ADAMTSL1: variants seen among roughly 807,000 people sequenced by gnomAD.
The protein encoded by ADAMTSL1 is ADAMTS-like protein 1.
ADAMTSL1 carries 126 observed loss-of-function variants against 201.8 expected under a neutral mutation model. That is an observed-to-expected ratio of 0.62 (90% CI 0.54 to 0.72). The LOEUF is 0.72. Ranked by LOEUF, ADAMTSL1 falls within the 30% of genes least tolerant of loss-of-function variation. The pLI, the probability that ADAMTSL1 is intolerant of heterozygous loss-of-function variation, is 0.00. For missense variants in ADAMTSL1, 2,679 were observed against 2,277.8 expected (o/e 1.18, Z -3.59); for synonymous variants, 1,121 against 903.4 (o/e 1.24, Z -4.32).
intron 1 of ADAMTSL1, among the ~76,000 whole-genome samples, chr9:18,154,647 G>A (rs560775840): frequency 7.9e-5 from 12 of 152,106 alleles, no homozygotes; most frequent in Admixed American, 2.0e-4. Context: ...AATATATTCA[G>A]CAGTCTGATT....
At chr9:18,386,782 A>G (rs1344796349) in intron 2 of ADAMTSL1, among the ~76,000 whole-genome samples, 1 of 152,186 alleles carries the variant, frequency 6.6e-6, no homozygotes, top group Admixed American at 6.5e-5. Flanking sequence ...CTGACTCCAA[A>G]GAATTTCTTT....
chr9:18,408,163 C>CT (rs1362163405), intron 2 of ADAMTSL1, among the ~76,000 whole-genome samples: 2 of 152,072 alleles, frequency 1.3e-5, no homozygotes, highest in African/African-American at 4.8e-5. Context: ...GCTATCCATC[C>CT]TTTCATTTCA....
chr9:18,835,008 C>G (rs113574486), intron 23 of ADAMTSL1, among the ~76,000 whole-genome samples: 2,634 of 152,212 alleles, frequency 0.017, 61 homozygotes, highest in African/African-American at 0.058. Flanking sequence ...TTGCTCGAAT[C>G]ATAGGTATAT....
chr9:18,034,795 A>G (rs1268510863), intron 1 of ADAMTSL1, among the ~76,000 whole-genome samples: 1 of 152,196 alleles, frequency 6.6e-6, no homozygotes, highest in Non-Finnish European at 1.5e-5. Flanking sequence ...CATTTTTGAC[A>G]CACTTGGAAC....
At chr9:18,728,961 G>A (rs1361204534) in intron 15 of ADAMTSL1, among the ~76,000 whole-genome samples, 2 of 152,320 alleles carry the variant, frequency 1.3e-5, no homozygotes, top group Middle Eastern at 3.4e-3. Flanking sequence ...GCTAAACTCT[G>A]AAAATGGTGG....
At position 18,586,523 on chromosome 9, in the gene ADAMTSL1, G is replaced by A. The variant is rs149311130; in HGVS notation, c.474+12257G>A. On this transcript the variant is annotated intron_variant, in intron 4 of 28. Transcript: ENST00000380548. ...CATTGAAATAGCCATACTGCCTAAA[G>A]CAATTTACAGATTCAATGTTATTCC... Among the ~76,000 whole-genome samples the A allele has an allele frequency of 3.6e-3, 548 of 152,170 alleles. 4 individuals are homozygous for A. Among genetic ancestry groups the A allele is most frequent in the African/African-American group, 0.012 (500 of 41,502 alleles).
chr9:18,053,254 G>T (rs1822015846), intron 1 of ADAMTSL1, among the ~76,000 whole-genome samples: 2 of 152,040 alleles, frequency 1.3e-5, no homozygotes, highest in Non-Finnish European at 2.9e-5. Context: ...TACCTGCTCT[G>T]GATTATGATC....
intron 1 of ADAMTSL1, among the ~76,000 whole-genome samples, chr9:18,051,598 G>C (rs10738494): frequency 0.62 from 94,509 of 151,254 alleles, 29,677 homozygotes; most frequent in South Asian, 0.69. Context: ...TGGGTATTCT[G>C]CAAATACAGT....
At chr9:18,501,993 G>T (rs1208089541) in intron 1 of ADAMTSL1, among the ~76,000 whole-genome samples, 1 of 152,168 alleles carries the variant, frequency 6.6e-6, no homozygotes, top group Non-Finnish European at 1.5e-5. Context: ...AGGAACTTTA[G>T]CACAGAGTTT....
chr9:18,031,072 C>G (rs1014856090), intron 1 of ADAMTSL1, among the ~76,000 whole-genome samples: 1 of 152,024 alleles, frequency 6.6e-6, no homozygotes, highest in African/African-American at 2.4e-5. Flanking sequence ...GATTGTTTTA[C>G]TTGTTTCCTT....
chr9:18,672,102 C>T (rs1179285827), intron 9 of ADAMTSL1, among the ~76,000 whole-genome samples: 1 of 151,582 alleles, frequency 6.6e-6, no homozygotes, highest in East Asian at 1.9e-4. Context: ...ATGGAGTTAA[C>T]TACTTTAGGA....
At chr9:18,321,952 C>A (rs1029942170) in intron 2 of ADAMTSL1, among the ~76,000 whole-genome samples, 1 of 152,072 alleles carries the variant, frequency 6.6e-6, no homozygotes, top group Non-Finnish European at 1.5e-5. Context: ...TTTCTGGTGA[C>A]AATGGAACTA....
intron 2 of ADAMTSL1, among the ~76,000 whole-genome samples, chr9:18,371,953 A>T (rs1586997257): frequency 6.6e-6 from 1 of 152,202 alleles, no homozygotes; most frequent in African/African-American, 2.4e-5. Context: ...ATAATGTTCC[A>T]GGTAATTCTA....
Position 18,502,418 on chromosome 9 carries a change from G to A in ADAMTSL1, c.64-2411G>A, listed in dbSNP as rs141990784. 3.9e-5 allele frequency among the ~76,000 whole-genome samples: 6 copies of A among 152,260 alleles called. No homozygotes were observed. The East Asian group carries it at 9.6e-4, about 24-fold the overall frequency. On this transcript the variant is annotated intron_variant, in intron 1 of 28. Transcript: ENST00000380548. ...CAATCCTATCTTCTATTCACATGCG[G>A]CAAACAAAGAGTTAGATGATACACA...
intron 1 of ADAMTSL1, among the ~76,000 whole-genome samples, chr9:18,105,084 G>A (rs537018495): frequency 1.5e-4 from 23 of 152,266 alleles, no homozygotes; most frequent in South Asian, 2.1e-4. Flanking sequence ...AGAGTACTGT[G>A]AGTCAGAGAC....
At chr9:18,878,868 G>A (rs962809140) in intron 23 of ADAMTSL1, among the ~76,000 whole-genome samples, 7 of 152,170 alleles carry the variant, frequency 4.6e-5, no homozygotes, top group Non-Finnish European at 1.0e-4. Context: ...AGGCCACAAG[G>A]AGCTGAGACT....
chr9:18,291,685 G>A (rs758210160), intron 2 of ADAMTSL1, among the ~76,000 whole-genome samples: 2 of 143,652 alleles, frequency 1.4e-5, no homozygotes, highest in African/African-American at 2.7e-5. Context: ...TCTCTCTCTC[G>A]GGTGCGCACA....
chr9:18,312,534 A>C (rs750349704), intron 2 of ADAMTSL1, among the ~76,000 whole-genome samples: 1 of 152,210 alleles, frequency 6.6e-6, no homozygotes, highest in African/African-American at 2.4e-5. Flanking sequence ...TGGACTGTGC[A>C]CATAACTTCA....
chr9:18,011,482 C>T (rs185716729), intron 1 of ADAMTSL1, among the ~76,000 whole-genome samples: 119 of 152,058 alleles, frequency 7.8e-4, no homozygotes, highest in African/African-American at 2.7e-3. Flanking sequence ...GGCACGGAAC[C>T]GCCCCAGCAC....
Sources: allele counts gnomAD v4.1 joint callset (sites outside exome capture counted in the v4.1 genomes callset), GRCh38; gene constraint gnomAD v4.1.1; transcripts MANE v1.5; gene names NCBI Gene and HGNC (gene_info 2026-07-23, HGNC 2026-07-21).